MGST1: variants seen among roughly 807,000 people sequenced by gnomAD.
MGST1 encodes microsomal glutathione S-transferase 1, also known as glutathione S-transferase 12.
In MGST1, 5 loss-of-function variants were observed where a neutral mutation model predicts 8.9. The observed-to-expected ratio is 0.56, with a 90% CI of 0.29 to 1.19. MGST1 has a LOEUF of 1.19. Among genes scored for constraint, MGST1 ranks in the 50% most tolerant of loss-of-function variants. MGST1 has a pLI of 0.08. For missense variants in MGST1, 182 were observed against 187.4 expected (o/e 0.97, Z 0.17); for synonymous variants, 54 against 67.8 (o/e 0.80, Z 1.00).
chr12:16,431,181 A>C (rs756954395), intron 1 of MGST1, among the ~76,000 whole-genome samples: 6 of 152,224 alleles, frequency 3.9e-5, no homozygotes, highest in Non-Finnish European at 7.3e-5. Context: ...CTTGCCCTGG[A>C]TTAAGCTTTG....
At chr12:16,370,936 C>T (rs761116779) in intron 3 of MGST1, among the ~76,000 whole-genome samples, 19 of 152,118 alleles carry the variant, frequency 1.2e-4, no homozygotes, top group Non-Finnish European at 2.5e-4. Context: ...AGTTAAATAG[C>T]ATTTTGTGGG....
chr12:16,537,956 C>A lies in MGST1; in HGVS notation n.483-51572C>A, dbSNP rs1217079553. On this transcript the variant is annotated intron_variant and non_coding_transcript_variant, in intron 4 of 4. Transcript: ENST00000538857. The surrounding 1 kb of genome is among the most constrained non-coding windows in gnomAD (Gnocchi z 4.6). The stretch of plus-strand genomic sequence containing the variant: ...GGCTCCTTGTTACTTATGCAAATTT[C>A]TGCAGCCAGCTTGAATTTCTTCTCA... Among the ~76,000 whole-genome samples the A allele has an allele frequency of 6.6e-6, 1 of 152,222 alleles. No homozygotes were observed. Among genetic ancestry groups the A allele is most frequent in the Admixed American group, 6.5e-5 (1 of 15,286 alleles).
intron 4 of MGST1, chr12:16,551,266 C>T (rs1410911974): frequency 4.3e-6 from 7 of 1,613,156 alleles, no homozygotes; most frequent in Admixed American, 1.7e-5. Context: ...AAACCTTCCT[C>T]GTAGTCCGTC....
Position 16,401,406 on chromosome 12 carries a change from T to G in MGST1, n.778+17802T>G. 1.0e-6 allele frequency: 1 copy of G among 989,118 alleles called. No homozygotes were observed. Among genetic ancestry groups the G allele is most frequent in the South Asian group, 1.3e-5 (1 of 78,318 alleles). The allele number at this position is 989,118 out of a possible 1,614,324, so 61.3% of individuals were successfully genotyped here. A position where few individuals can be genotyped will look rare whatever the true frequency, so the allele number is the denominator to read the frequency against. On this transcript the variant is annotated intron_variant and non_coding_transcript_variant, in intron 1 of 1. Coordinates refer to the MGST1 transcript ENST00000359720. This position sits in a 1 kb window ranked among gnomAD's most constrained non-coding sequence, Gnocchi z 4.3. ...GGTTTCTGGTAATTTTGTTCAGGAG[T>G]TCTGGCTTCTGCTTTTTAGCCACGT...
intron 4 of MGST1, among the ~76,000 whole-genome samples, chr12:16,495,348 A>T (rs1051837427): frequency 2.0e-5 from 3 of 152,140 alleles, no homozygotes; most frequent in Admixed American, 6.6e-5. Flanking sequence ...TTGAAAAATG[A>T]ACCATTGAGT....
chr12:16,456,948 C>T (rs894547553), intron 4 of MGST1, among the ~76,000 whole-genome samples: 1 of 151,914 alleles, frequency 6.6e-6, no homozygotes, highest in Non-Finnish European at 1.5e-5. Context: ...AACAGCTCTC[C>T]CTCTCTTTGG....
chr12:16,422,388 G>A (rs139375186), intron 1 of MGST1, among the ~76,000 whole-genome samples: 2 of 152,228 alleles, frequency 1.3e-5, no homozygotes, highest in African/African-American at 4.8e-5. Flanking sequence ...CTTCTCAGTG[G>A]AAGTCCATTT....
At chr12:16,479,551 T>TTTTTTTTTTTTTTTTTA (rs1655629199) in intron 4 of MGST1, among the ~76,000 whole-genome samples, 2 of 146,026 alleles carry the variant, frequency 1.4e-5, no homozygotes, top group Admixed American at 6.8e-5. Context: ...TTTTTTTTTT[T>TTTTTTTTTTTTTTTTTA]GAGACAGGGT....
At chr12:16,505,347 G>A (rs1396635648) in intron 4 of MGST1, among the ~76,000 whole-genome samples, 3 of 152,136 alleles carry the variant, frequency 2.0e-5, no homozygotes, top group Admixed American at 1.3e-4. Context: ...CTGCTCCAGA[G>A]CTAGATAGCA....
chr12:16,418,673 C>T (rs951630590), intron 1 of MGST1, among the ~76,000 whole-genome samples: 3 of 152,066 alleles, frequency 2.0e-5, no homozygotes, highest in East Asian at 1.9e-4. Context: ...TTAAATCCCA[C>T]CTTTGCCACC....
Position 16,498,273 on chromosome 12 carries a change from A to G in MGST1, n.483-91255A>G, listed in dbSNP as rs567185855. Among the ~76,000 whole-genome samples the G allele has an allele frequency of 9.8e-5, 15 of 152,308 alleles. No individual in the cohort carries two copies. In the South Asian group the frequency reaches 3.1e-3, roughly 32 times the overall value. ...TAATGGTTATTCTGAAAACTGTCCT[A>G]AATGGGACCACTTCCTAGTATCTCT... On this transcript the variant is annotated intron_variant and non_coding_transcript_variant, in intron 4 of 4. Coordinates refer to the MGST1 transcript ENST00000538857.
At chr12:16,466,067 C>G (rs942836455) in intron 4 of MGST1, among the ~76,000 whole-genome samples, 1 of 152,188 alleles carries the variant, frequency 6.6e-6, no homozygotes, top group Non-Finnish European at 1.5e-5. Flanking sequence ...AGTGGAAACA[C>G]TTGCATATGT....
chr12:16,566,196 G>A (rs1203899124), intron 4 of MGST1, among the ~76,000 whole-genome samples: 3 of 150,694 alleles, frequency 2.0e-5, no homozygotes, highest in Non-Finnish European at 4.4e-5. Flanking sequence ...ATAAAAAGTC[G>A]ACATCATAGA....
At chr12:16,406,417 G>A (rs889052560) in intron 1 of MGST1, among the ~76,000 whole-genome samples, 13 of 152,084 alleles carry the variant, frequency 8.5e-5, no homozygotes, top group South Asian at 2.1e-4. Context: ...CAGAGATGAC[G>A]CAAACAAATG....
Position 16,578,194 on chromosome 12 carries a change from C to A in MGST1, n.483-11334C>A, listed in dbSNP as rs141520454. Reference sequence around the variant, plus strand: ...AACTTAGAAAATGTTAACTAACTACCTAAAGTGACAGTACTGCAATTTTCT... The same window carrying A: ...AACTTAGAAAATGTTAACTAACTACATAAAGTGACAGTACTGCAATTTTCT... On this transcript the variant is annotated intron_variant and non_coding_transcript_variant, in intron 4 of 4. Transcript: ENST00000538857. Among the ~76,000 whole-genome samples, 823 of 152,220 alleles carry A rather than the reference C, an allele frequency of 5.4e-3. 8 individuals are homozygous for A. The highest frequency in any genetic ancestry group is 0.019 in the African/African-American group (799 of 41,536).
intron 4 of MGST1, among the ~76,000 whole-genome samples, chr12:16,448,773 A>G (rs1485630119): frequency 1.3e-5 from 2 of 151,662 alleles, no homozygotes; most frequent in African/African-American, 4.8e-5. Context: ...TTTCTCTCCA[A>G]CTCCACCCCA....
intron 4 of MGST1, among the ~76,000 whole-genome samples, chr12:16,532,794 T>G (rs370332731): frequency 1.3e-5 from 2 of 152,314 alleles, no homozygotes; most frequent in East Asian, 3.9e-4. Context: ...GTAATGCATT[T>G]TTTTTAAATT....
rs1490298942 is a variant in MGST1, at chr12:16,548,842, C to T, written n.483-40686C>T. 1 of 152,010 alleles carries T rather than the reference C, an allele frequency of 6.6e-6. No homozygotes were observed. The highest frequency in any genetic ancestry group is 1.5e-5 in the Non-Finnish European group (1 of 67,990). The allele number at this position is 152,010 out of a possible 1,614,324, so 9.4% of individuals were successfully genotyped here. A position where few individuals can be genotyped will look rare whatever the true frequency, so the allele number is the denominator to read the frequency against. On this transcript the variant is annotated intron_variant and non_coding_transcript_variant, in intron 4 of 4. Transcript: ENST00000538857. The surrounding 1 kb of genome is among the most constrained non-coding windows in gnomAD (Gnocchi z 4.2). ...TAAAGATAATCTAAACAGATTAAGG[C>T]CTTAATCTTTAATCCAGGTGAGTAA...
intron 4 of MGST1, among the ~76,000 whole-genome samples, chr12:16,516,666 C>A (rs192724476): frequency 6.6e-6 from 1 of 152,118 alleles, no homozygotes; most frequent in Non-Finnish European, 1.5e-5. Context: ...GGCAATGAGC[C>A]TCTCAGAAGC....
Sources: gnomAD v4.1 joint callset for allele counts (sites outside exome capture counted in the v4.1 genomes callset) on GRCh38, gnomAD v4.1.1 for gene constraint, Gnocchi (gnomAD v3.1) non-coding constraint, MANE v1.5 for transcripts, NCBI Gene and HGNC (gene_info 2026-07-23, HGNC 2026-07-21) for gene names.